The following SZT2 variants were observed in gnomAD, a reference collection of about 807,000 sequenced individuals.
The protein encoded by SZT2 is SZT2 subunit of KICSTOR complex.
In SZT2, 216 loss-of-function variants were observed where a neutral mutation model predicts 404.2. The ratio of observed to expected loss-of-function variants is 0.53; its 90% CI spans 0.48 to 0.60. SZT2 has a LOEUF of 0.60. Among genes scored for constraint, SZT2 ranks in the 20% least tolerant of loss-of-function variants. SZT2 has a pLI of 0.00. For synonymous variants in SZT2, 1,693 were observed against 1,749.9 expected, an observed-to-expected ratio of 0.97 and a Z score of 0.81; for missense variants, 3,857 against 4,459.2, an observed-to-expected ratio of 0.86 and a Z score of 3.85.
Position 43,428,158 on chromosome 1 carries a change from C to T in SZT2, c.3919+40C>T, listed in dbSNP as rs147126938. On this transcript the variant is annotated intron_variant, in intron 27 of 71. Transcript: ENST00000634258. Reference sequence around the variant, plus strand: ...CGTGGGAGGGAGGAGTGGGGCCCTGCGGGAGATACAGGGATTACAGGGTGG... The same window carrying T: ...CGTGGGAGGGAGGAGTGGGGCCCTGTGGGAGATACAGGGATTACAGGGTGG... The T allele has an allele frequency of 2.9e-5, 47 of 1,610,868 alleles. No individual in the cohort carries two copies. In the African/African-American group the frequency reaches 2.9e-4, roughly 10 times the overall value.
At chr1:43,421,005 T>G (rs1303897530) in intron 10 of SZT2, 22 bp downstream of exon 10, 1 of 1,597,234 alleles carries the variant, frequency 6.3e-7, no homozygotes, top group Non-Finnish European at 8.5e-7. Context: ...CATCACTCAA[T>G]GAGTGCTGCC....
rs1654250723 is a variant in SZT2, at chr1:43,434,430, A to C, written c.5849A>C (p.His1950Pro). 2 of 1,599,072 alleles carry C rather than the reference A, an allele frequency of 1.3e-6. No individual in the cohort carries two copies. Among genetic ancestry groups the C allele is most frequent in the Non-Finnish European group, 1.7e-6 (2 of 1,174,528 alleles). Residue 1950 changes from histidine (H) to proline (P), a missense_variant, in exon 41 of 72, where the codon CAC (histidine) becomes CCC (proline). By Grantham distance (77) the His-to-Pro change is moderately conservative. Around this residue, in one of 7 missense-constraint regions of SZT2, gnomAD observed 1,725 missense variants for 1,881.0 expected, o/e 0.92. Coordinates refer to ENST00000634258, the MANE Select transcript of SZT2 (RefSeq NM_001365999.1). Reference sequence around the variant, plus strand: ...GGGGGGCCGGGCACTGAGTGTCGCCACCTGCAGCAGCTCCTGGTGAGGCGA... The same window carrying C: ...GGGGGGCCGGGCACTGAGTGTCGCCCCCTGCAGCAGCTCCTGGTGAGGCGA... ...EDGGPGTECR[H>P]LQQLLVRRVG...
intron 1 of SZT2, among the ~76,000 whole-genome samples, chr1:43,399,610 C>T (rs1036547558): frequency 1.3e-4 from 20 of 151,744 alleles, no homozygotes; most frequent in Non-Finnish European, 2.8e-4. Context: ...TACAGGCACC[C>T]GCCACCACAC....
chr1:43,406,277 TG>T, intron 4 of SZT2: 1 of 329,194 alleles, frequency 3.0e-6, no homozygotes, highest in Non-Finnish European at 5.9e-6. Flanking sequence ...TTGTTTTTTT[TG>T]GTAGAGACAG....
chr1:43,398,375 A>G (rs1649253899), intron 1 of SZT2, among the ~76,000 whole-genome samples: 1 of 152,226 alleles, frequency 6.6e-6, no homozygotes, highest in South Asian at 2.1e-4. Flanking sequence ...CTGGAGACAG[A>G]GTGATAAACA....
Position 43,406,359 on chromosome 1 carries a change from A to C in SZT2, c.498+1809A>C, listed in dbSNP as rs375048307. ...GTGATCCACCTGCCTCAGCCTCCCA[A>C]AGTGCTGGGATTACAGGCATGAGCT... On this transcript the variant is annotated intron_variant, in intron 4 of 71. Coordinates refer to ENST00000634258, the MANE Select transcript of SZT2 (RefSeq NM_001365999.1). The C allele has an allele frequency of 8.3e-5, 17 of 204,756 alleles. No homozygotes were observed. The East Asian group carries it at 2.3e-3, about 28-fold the overall frequency. 12.7% of individuals were successfully genotyped at this position (204,756 alleles called of 1,614,324 possible).
chr1:43,442,016 A>C lies in SZT2; in HGVS notation c.7759A>C (p.Ile2587Leu), dbSNP rs567627025. The C allele has an allele frequency of 3.7e-6, 6 of 1,613,228 alleles. No homozygotes were observed. The Admixed American group carries it at 1.0e-4, about 27-fold the overall frequency. ...TTTCAATAGGGGTTCAGAGCCAGAG[A>C]TCTTCGGCCCTTGTTCCCCTGGGCA... ...FEQHLGSEPE[I>L]FGPCSPGQLG... The change falls in exon 56 of 72, where the codon ATC (isoleucine) becomes CTC (leucine). Residue 2587 changes from isoleucine (I) to leucine (L), a missense_variant. Ile to Leu is a conservative substitution (Grantham distance 5, BLOSUM62 2). Coordinates refer to ENST00000634258, the MANE Select transcript of SZT2 (RefSeq NM_001365999.1). This position sits in a 1 kb window ranked among gnomAD's most constrained non-coding sequence, Gnocchi z 4.5.
At position 43,440,528 on chromosome 1, in the gene SZT2, C is replaced by G. The variant is rs765653891; in HGVS notation, c.7286C>G (p.Pro2429Arg). The change falls in exon 52 of 72, where the codon CCT becomes CGT. Residue 2429 changes from proline (P) to arginine (R), a missense_variant. Pro to Arg is a moderately radical substitution (Grantham distance 103, BLOSUM62 -2). Around this residue, in one of 7 missense-constraint regions of SZT2, gnomAD observed 573 missense variants for 592.4 expected, o/e 0.97. Transcript: ENST00000634258. ...RASTFPPAPV[P>R]GEPVTPPSKA... ...AGCACCTTTCCCCCTGCCCCTGTCC[C>G]TGGGGAGCCTGTGACTCCACCCAGC... The G allele has an allele frequency of 6.2e-7, 1 of 1,609,080 alleles. No homozygotes were observed. Among genetic ancestry groups the G allele is most frequent in the South Asian group, 1.1e-5 (1 of 90,432 alleles).
chr1:43,433,059 C>G lies in SZT2; in HGVS notation c.5673C>G (p.Phe1891Leu). 3 of 1,614,166 alleles carry G rather than the reference C, an allele frequency of 1.9e-6. No individual in the cohort carries two copies. The highest frequency in any genetic ancestry group is 2.5e-6 in the Non-Finnish European group (3 of 1,180,040). The part of the protein sequence containing the change: ...PNDTLGEKAP[F>L]TLRTPPGPAP... ...ACACCCTTGGTGAGAAGGCCCCCTT[C>G]ACATTGCGGACTCCACCTGGGCCAG... Residue 1891 changes from phenylalanine to leucine, a missense_variant, in exon 40 of 72, where the codon TTC becomes TTG. This residue lies in a region of SZT2 where 1,725 missense variants were observed against 1,881.0 expected (regional missense o/e 0.92). Transcript: ENST00000634258.
Position 43,451,981 on chromosome 1 carries a change from G to A in SZT2, c.*1501G>A, listed in dbSNP as rs758019050. 4 of 1,611,274 alleles carry A rather than the reference G, an allele frequency of 2.5e-6. No individual in the cohort carries two copies. Among genetic ancestry groups the A allele is most frequent in the Non-Finnish European group, 2.5e-6 (3 of 1,178,138 alleles). On this transcript the variant is annotated 3_prime_UTR_variant, in exon 72 of 72. Transcript: ENST00000634258. ...AGTACTGGGGGTCAGTGATGCGGGT[G>A]TTGATGGGCTCCAGCAGTCCCACGA...
At chr1:43,429,489 C>CA (rs936403739) in intron 28 of SZT2, 112 of 557,806 alleles carry the variant, frequency 2.0e-4, no homozygotes, top group Non-Finnish European at 2.2e-4. Context: ...GACTCTGTCC[C>CA]AAAAAAAAGG....
chr1:43,451,635 A>G lies in SZT2; in HGVS notation c.*1155A>G. Reference sequence around the variant, plus strand: ...GATTGAAAGGGTGGGAGGGCAAAGGAAGGTCCTCTCACCAACAATGGGCAG... The same window carrying G: ...GATTGAAAGGGTGGGAGGGCAAAGGGAGGTCCTCTCACCAACAATGGGCAG... On this transcript the variant is annotated 3_prime_UTR_variant, in exon 72 of 72. Coordinates refer to ENST00000634258, the MANE Select transcript of SZT2 (RefSeq NM_001365999.1). 4 of 1,614,002 alleles carry G rather than the reference A, an allele frequency of 2.5e-6. No individual in the cohort carries two copies. Among genetic ancestry groups the G allele is most frequent in the Non-Finnish European group, 3.4e-6 (4 of 1,179,946 alleles).
Position 43,442,106 on chromosome 1 carries a change from C to T in SZT2, c.7849C>T (p.Gln2617Ter). ...HLLLLGRNFL[Q>*]WRRPTQQAAK... ...GCTGCTTCTGGGAAGGAACTTCTTG[C>T]AGTGGAGGAGACCAACACAGCAGGG... Residue 2617 changes from glutamine to a stop codon, truncating the protein, a stop_gained, in exon 56 of 72, where the codon CAG (glutamine) becomes TAG (stop). Coordinates refer to ENST00000634258, the MANE Select transcript of SZT2 (RefSeq NM_001365999.1). LOFTEE classifies it high-confidence loss of function. The surrounding 1 kb of genome is among the most constrained non-coding windows in gnomAD (Gnocchi z 4.5). The T allele has an allele frequency of 6.2e-7, 1 of 1,613,412 alleles. No homozygotes were observed. Among genetic ancestry groups the T allele is most frequent in the Non-Finnish European group, 8.5e-7 (1 of 1,179,936 alleles).
At position 43,440,495 on chromosome 1, in the gene SZT2, G is replaced by A. The variant is rs370433500; in HGVS notation, c.7253G>A (p.Gly2418Asp). 37 of 1,607,678 alleles carry A rather than the reference G, an allele frequency of 2.3e-5. No homozygotes were observed. The highest frequency in any genetic ancestry group is 8.5e-5 in the Admixed American group (5 of 59,000). Residue 2418 changes from glycine to aspartate, a missense_variant, in exon 52 of 72, where the codon GGC becomes GAC. Gly to Asp is a moderately conservative substitution (Grantham distance 94). Around this residue, in one of 7 missense-constraint regions of SZT2, gnomAD observed 573 missense variants for 592.4 expected, o/e 0.97. Transcript: ENST00000634258. Reference sequence around the variant, plus strand: ...TCGTTGGAAACTAAGAGCTCTGCAGGCCGAGCTAGCACCTTTCCCCCTGCC... The same window carrying A: ...TCGTTGGAAACTAAGAGCTCTGCAGACCGAGCTAGCACCTTTCCCCCTGCC... ...NGSLETKSSA[G>D]RASTFPPAPV...
At chr1:43,403,417 G>C in intron 2 of SZT2, 115 bp downstream of exon 2, 2 of 1,464,264 alleles carry the variant, frequency 1.4e-6, no homozygotes, top group African/African-American at 1.4e-5. Context: ...GTTAGGGCAA[G>C]GGACTGCCTA....
chr1:43,446,453 C>G (rs992577719), intron 65 of SZT2, 37 bp downstream of exon 65: 1 of 1,610,910 alleles, frequency 6.2e-7, no homozygotes, highest in Non-Finnish European at 8.5e-7. Context: ...CAGTGCACCC[C>G]AGTGTGCTGT....
intron 1 of SZT2, among the ~76,000 whole-genome samples, chr1:43,395,922 A>G (rs1648939613): frequency 6.6e-6 from 1 of 152,240 alleles, no homozygotes; most frequent in African/African-American, 2.4e-5. Flanking sequence ...GAGATTTAGT[A>G]GAAGAAGAAA....
Position 43,445,926 on chromosome 1 carries a change from G to C in SZT2, c.8858G>C (p.Gly2953Ala), listed in dbSNP as rs750184555. ...TSRPRAMAIL[G>A]TEGRGSFSCP... is the part of the protein sequence containing the mutation. ...CGGCCACGGGCCATGGCTATCCTTGGAACAGAGGGTCGAGGCTCCTTCTCC... is the reference window on the plus strand; with the variant it reads ...CGGCCACGGGCCATGGCTATCCTTGCAACAGAGGGTCGAGGCTCCTTCTCC... The change falls in exon 63 of 72, where the codon GGA (glycine) becomes GCA (alanine). Residue 2953 changes from glycine to alanine, a missense_variant. Coordinates refer to ENST00000634258, the MANE Select transcript of SZT2 (RefSeq NM_001365999.1). The C allele has an allele frequency of 6.2e-7, 1 of 1,614,222 alleles. No individual in the cohort carries two copies. The highest frequency in any genetic ancestry group is 8.5e-7 in the Non-Finnish European group (1 of 1,180,046).
chr1:43,431,999 TAG>T, intron 36 of SZT2, 98 bp downstream of exon 36: 9 of 1,389,530 alleles, frequency 6.5e-6, no homozygotes, highest in Non-Finnish European at 7.0e-6. Context: ...TTCGAACTCA[TAG>T]AGTTATCCCT....
Sources: allele counts gnomAD v4.1 joint callset (sites outside exome capture counted in the v4.1 genomes callset), GRCh38; gene constraint gnomAD v4.1.1; regional missense constraint gnomAD v4.1.1; non-coding constraint Gnocchi (gnomAD v3.1); transcripts MANE v1.5; gene names NCBI Gene and HGNC (gene_info 2026-07-23, HGNC 2026-07-21).